Variants in TMEFF2 observed in about 807,000 individuals in gnomAD.
The protein encoded by TMEFF2 is transmembrane protein with EGF like and two follistatin like domains 2, also known as tomoregulin-2.
A neutral mutation model predicts 53.8 loss-of-function variants in TMEFF2; 28 were observed. The ratio of observed to expected loss-of-function variants is 0.52; its 90% confidence interval spans 0.39 to 0.71. The LOEUF is 0.71. Among genes scored for constraint, TMEFF2 ranks in the 30% least tolerant of loss-of-function variants. The pLI is 0.00. For synonymous variants in TMEFF2, 162 were observed against 166.3 expected, an observed-to-expected ratio of 0.97 and a Z score of 0.20; for missense variants, 353 against 455.2, an observed-to-expected ratio of 0.78 and a Z score of 2.04.
intron 4 of TMEFF2, among the ~76,000 whole-genome samples, chr2:192,088,255 T>C (rs1428223321): frequency 1.3e-5 from 2 of 151,970 alleles, no homozygotes; most frequent in African/African-American, 4.8e-5. Context: ...AAAGACTGAA[T>C]CCATGAAGGG....
At chr2:192,075,222 G>A (rs891289233) in intron 4 of TMEFF2, among the ~76,000 whole-genome samples, 9 of 143,908 alleles carry the variant, frequency 6.3e-5, no homozygotes, top group African/African-American at 2.1e-4. Flanking sequence ...TATATTTATA[G>A]TTTGGATTAG....
At chr2:192,191,411 G>A (rs2356965) in intron 2 of TMEFF2, among the ~76,000 whole-genome samples, 150,958 of 152,272 alleles carry the variant, frequency 0.99, 74,839 homozygotes, top group Middle Eastern at 1. Flanking sequence ...AAAGTGTTGA[G>A]GTTACACTAA....
chr2:192,019,273 A>T (rs1418064971), intron 5 of TMEFF2, among the ~76,000 whole-genome samples: 2 of 152,032 alleles, frequency 1.3e-5, no homozygotes, highest in Non-Finnish European at 2.9e-5. Context: ...ATGGTAATAA[A>T]TTACTCAATA....
chr2:192,165,827 G>A (rs1690751829), intron 4 of TMEFF2, among the ~76,000 whole-genome samples: 1 of 152,064 alleles, frequency 6.6e-6, no homozygotes, highest in African/African-American at 2.4e-5. Flanking sequence ...AGAAATGTCA[G>A]AAATCATACT....
intron 1 of TMEFF2, among the ~76,000 whole-genome samples, chr2:192,192,647 T>TA (rs1428024508): frequency 1.3e-5 from 2 of 152,186 alleles, no homozygotes; most frequent in Non-Finnish European, 2.9e-5. Flanking sequence ...CAGTCCCCTT[T>TA]AAAATATCTG....
chr2:192,057,540 T>A, intron 5 of TMEFF2, 139 bp downstream of exon 5: 1 of 783,454 alleles, frequency 1.3e-6, no homozygotes, highest in Non-Finnish European at 2.1e-6. Flanking sequence ...TTCCTTGCCC[T>A]CATTTTTTTT....
At chr2:192,188,998 C>T (rs1452938261) in intron 2 of TMEFF2, among the ~76,000 whole-genome samples, 1 of 151,602 alleles carries the variant, frequency 6.6e-6, no homozygotes, top group Admixed American at 6.6e-5. Flanking sequence ...TGTAATAAAC[C>T]TTCACATGTA....
At chr2:192,113,438 T>C (rs1006084408) in intron 4 of TMEFF2, among the ~76,000 whole-genome samples, 11 of 152,206 alleles carry the variant, frequency 7.2e-5, no homozygotes, top group Admixed American at 2.6e-4. Context: ...TTTTCATGAA[T>C]GAACACTGGT....
chr2:191,994,705 G>T (rs1686182250), intron 7 of TMEFF2, among the ~76,000 whole-genome samples: 1 of 151,932 alleles, frequency 6.6e-6, no homozygotes, highest in Admixed American at 6.6e-5. Flanking sequence ...AGCCTGGAAA[G>T]CCCTAGCTTT....
At chr2:192,071,750 G>C (rs1032408817) in intron 4 of TMEFF2, among the ~76,000 whole-genome samples, 9 of 151,758 alleles carry the variant, frequency 5.9e-5, no homozygotes, top group African/African-American at 1.9e-4. Flanking sequence ...TCCTTATACT[G>C]TATTTAGGGA....
At chr2:191,982,248 T>C (rs553194424) in intron 7 of TMEFF2, among the ~76,000 whole-genome samples, 37 of 152,210 alleles carry the variant, frequency 2.4e-4, no homozygotes, top group South Asian at 2.3e-3. Context: ...AGGTAGGCTA[T>C]TATATGAAAC....
intron 4 of TMEFF2, chr2:192,176,900 T>G (rs368217473): frequency 1.3e-5 from 2 of 151,244 alleles, no homozygotes; most frequent in East Asian, 3.9e-4. Context: ...AGTTTAATGA[T>G]ATCATTTATG....
At chr2:192,096,652 C>CCT (rs57769211) in intron 4 of TMEFF2, among the ~76,000 whole-genome samples, 96,595 of 99,208 alleles carry the variant, frequency 0.97, 47,165 homozygotes, top group Non-Finnish European at 1. Flanking sequence ...TTCCTTCCTT[C>CCT]TCTCTCTCTC....
At position 192,127,510 on chromosome 2, in the gene TMEFF2, C is replaced by T. The variant is rs113190495; in HGVS notation, c.439+52158G>A. On this transcript the variant is annotated intron_variant, in intron 4 of 9. Transcript: ENST00000272771. ...AACATTCAACAAATCAACAATGTAG[C>T]TATTTTTTGTTCAAACTGGATGAGA... 2.8e-3 allele frequency among the ~76,000 whole-genome samples: 429 copies of T among 152,194 alleles called. 1 individual carries two copies. The highest frequency in any genetic ancestry group is 9.6e-3 in the African/African-American group (399 of 41,510).
intron 7 of TMEFF2, among the ~76,000 whole-genome samples, chr2:191,995,279 T>C (rs1295135986): frequency 6.6e-6 from 1 of 152,062 alleles, no homozygotes; most frequent in Non-Finnish European, 1.5e-5. Flanking sequence ...CATGTGTTCC[T>C]GTATTAATAG....
At position 192,051,230 on chromosome 2, in the gene TMEFF2, GT is replaced by G. The variant is rs10666491; in HGVS notation, c.536+6448del. On this transcript the variant is annotated intron_variant, in intron 5 of 9. Coordinates refer to ENST00000272771, the MANE Select transcript of TMEFF2 (RefSeq NM_016192.4). ...AGCAGATCTATTATCTTTTTTCTGG[GT>G]TTTTTTTTTTCATTGTCTCCATGAG... Among the ~76,000 whole-genome samples, 496 of 145,634 alleles carry G rather than the reference GT, an allele frequency of 3.4e-3. 4 individuals carry two copies. Among genetic ancestry groups the G allele is most frequent in the African/African-American group, 0.012 (473 of 39,972 alleles).
intron 5 of TMEFF2, chr2:192,036,508 G>C (rs1384047009): frequency 1.3e-5 from 2 of 152,236 alleles, no homozygotes; most frequent in African/African-American, 4.8e-5. Context: ...AGGAGGAAGT[G>C]AGAGTGATGA....
intron 7 of TMEFF2, among the ~76,000 whole-genome samples, chr2:191,982,463 A>C (rs1574264441): frequency 6.6e-6 from 1 of 150,510 alleles, no homozygotes; most frequent in East Asian, 2.0e-4. Flanking sequence ...AAGATATTAT[A>C]ACCTGTTTCA....
chr2:192,047,743 G>A (rs1335329076), intron 5 of TMEFF2, among the ~76,000 whole-genome samples: 1 of 152,162 alleles, frequency 6.6e-6, no homozygotes, highest in Non-Finnish European at 1.5e-5. Flanking sequence ...ATTGGGTGTT[G>A]CATATAATTT....
Sources: allele counts gnomAD v4.1 joint callset (sites outside exome capture counted in the v4.1 genomes callset), GRCh38; gene constraint gnomAD v4.1.1; transcripts MANE v1.5; gene names NCBI Gene and HGNC (gene_info 2026-07-23, HGNC 2026-07-21).